LRP1B: variants seen among roughly 807,000 people sequenced by gnomAD.
LRP1B encodes the protein LDL receptor related protein 1B.
In LRP1B, 217 loss-of-function variants were observed where a neutral mutation model predicts 556.6. The ratio of observed to expected loss-of-function variants is 0.39; its 90% CI spans 0.35 to 0.44. The LOEUF (loss-of-function observed/expected upper bound fraction) is 0.44. Ranked by LOEUF, LRP1B falls within the 20% of genes least tolerant of loss-of-function variation. The pLI is 1.00. For synonymous variants in LRP1B, 2,047 were observed against 1,865.8 expected, an observed-to-expected ratio of 1.10 and a Z score of -2.50; for missense variants, 5,053 against 5,620.8, an observed-to-expected ratio of 0.90 and a Z score of 3.23.
At chr2:141,019,165 G>A (rs117447177) in intron 12 of LRP1B, among the ~76,000 whole-genome samples, 2,153 of 152,032 alleles carry the variant, frequency 0.014, 69 homozygotes, top group East Asian at 0.13. Flanking sequence ...TCAGGTAATA[G>A]CGCTGATTAA....
intron 1 of LRP1B, among the ~76,000 whole-genome samples, chr2:141,972,522 A>G (rs1031269155): frequency 1.3e-5 from 2 of 151,430 alleles, no homozygotes; most frequent in Admixed American, 1.3e-4. Flanking sequence ...GTTATTTTTA[A>G]GTTCTGTATT....
intron 66 of LRP1B, among the ~76,000 whole-genome samples, chr2:140,398,536 T>TG (rs61031613): frequency 5.9e-5 from 9 of 151,946 alleles, no homozygotes; most frequent in East Asian, 1.9e-4. Context: ...TTGTTGTTGT[T>TG]TTTGTTTTGA....
intron 11 of LRP1B, among the ~76,000 whole-genome samples, chr2:141,041,837 A>G (rs1236565466): frequency 2.6e-5 from 4 of 152,126 alleles, no homozygotes; most frequent in Non-Finnish European, 4.4e-5. Flanking sequence ...ATGTACAAAT[A>G]TGACTTTGTA....
chr2:140,929,087 A>C (rs1483183444), intron 20 of LRP1B, among the ~76,000 whole-genome samples: 1 of 152,134 alleles, frequency 6.6e-6, no homozygotes, highest in East Asian at 1.9e-4. Context: ...TGTTGTGTGA[A>C]AACGGATTTT....
intron 3 of LRP1B, among the ~76,000 whole-genome samples, chr2:141,470,663 A>G (rs1377452770): frequency 5.9e-5 from 9 of 152,172 alleles, no homozygotes; most frequent in African/African-American, 1.7e-4. Flanking sequence ...ATGCCATTCA[A>G]CTTCAGCTTC....
chr2:141,380,691 G>T (rs988073756), intron 3 of LRP1B, among the ~76,000 whole-genome samples: 1 of 152,178 alleles, frequency 6.6e-6, no homozygotes, highest in Non-Finnish European at 1.5e-5. Flanking sequence ...CAGAGGAAGT[G>T]GGTGATAAAA....
intron 43 of LRP1B, among the ~76,000 whole-genome samples, chr2:140,570,858 T>C (rs948589218): frequency 2.6e-5 from 4 of 151,772 alleles, no homozygotes; most frequent in Non-Finnish European, 5.9e-5. Context: ...TCAAGGATGG[T>C]TCAGTGTATG....
chr2:140,257,065 TAATC>T, intron 86 of LRP1B, among the ~76,000 whole-genome samples: 1 of 152,238 alleles, frequency 6.6e-6, no homozygotes, highest in South Asian at 2.1e-4. Context: ...CAGCAATTAT[TAATC>T]TATTTTTTAT....
chr2:141,146,097 G>A (rs1009588521), intron 7 of LRP1B, among the ~76,000 whole-genome samples: 1 of 151,456 alleles, frequency 6.6e-6, no homozygotes, highest in Non-Finnish European at 1.5e-5. Context: ...GCTAATTTTT[G>A]TATTGTTAGT....
intron 23 of LRP1B, among the ~76,000 whole-genome samples, chr2:140,892,945 T>C (rs182396039): frequency 1.3e-5 from 2 of 152,142 alleles, no homozygotes; most frequent in African/African-American, 2.4e-5. Flanking sequence ...CAAAGAAACA[T>C]AGATTTTTAT....
intron 20 of LRP1B, among the ~76,000 whole-genome samples, chr2:140,945,039 T>C (rs1695502110): frequency 6.6e-6 from 1 of 152,116 alleles, no homozygotes; most frequent in Non-Finnish European, 1.5e-5. Flanking sequence ...CCCAGATAAG[T>C]GACTTCAGTA....
intron 7 of LRP1B, among the ~76,000 whole-genome samples, chr2:141,130,988 C>T (rs776578586): frequency 6.6e-6 from 1 of 152,032 alleles, no homozygotes; most frequent in Non-Finnish European, 1.5e-5. Flanking sequence ...AACACATGGA[C>T]ACAGGGAGGG....
At chr2:141,201,860 T>G (rs889734792) in intron 6 of LRP1B, among the ~76,000 whole-genome samples, 3 of 152,164 alleles carry the variant, frequency 2.0e-5, no homozygotes, top group Non-Finnish European at 2.9e-5. Context: ...TCAGTTTCAT[T>G]CAGTCTGTTA....
At chr2:140,729,470 T>C (rs2105493841) in intron 35 of LRP1B, among the ~76,000 whole-genome samples, 1 of 152,298 alleles carries the variant, frequency 6.6e-6, no homozygotes, top group Admixed American at 6.5e-5. Context: ...TTTACTGTTA[T>C]TGAATCACAG....
At chr2:140,966,973 G>C (rs1696244422) in intron 18 of LRP1B, among the ~76,000 whole-genome samples, 1 of 152,206 alleles carries the variant, frequency 6.6e-6, no homozygotes, top group Middle Eastern at 3.4e-3. Flanking sequence ...AAGTCAGGTA[G>C]AGTGATGCCT....
intron 2 of LRP1B, among the ~76,000 whole-genome samples, chr2:141,653,038 G>T (rs1343547431): frequency 1.3e-5 from 2 of 152,080 alleles, no homozygotes; most frequent in Non-Finnish European, 2.9e-5. Context: ...ATAAAACTTG[G>T]AAGGCTTTAA....
chr2:140,383,259 T>C (rs551945636), intron 67 of LRP1B, among the ~76,000 whole-genome samples: 2 of 152,022 alleles, frequency 1.3e-5, no homozygotes, highest in South Asian at 4.2e-4. Context: ...GGACAACATA[T>C]ACCACAGCCC....
chr2:142,070,801 T>A (rs1337520237), intron 1 of LRP1B, among the ~76,000 whole-genome samples: 1 of 151,928 alleles, frequency 6.6e-6, no homozygotes, highest in African/African-American at 2.4e-5. Flanking sequence ...TCATATTGCA[T>A]GTAGTTTGGA....
intron 3 of LRP1B, among the ~76,000 whole-genome samples, chr2:141,292,713 C>A (rs1686024155): frequency 6.6e-6 from 1 of 152,086 alleles, no homozygotes; most frequent in Admixed American, 6.5e-5. Flanking sequence ...AGTAGTGGGA[C>A]AACCTACTAA....
Sources: gnomAD v4.1 joint callset for allele counts (sites outside exome capture counted in the v4.1 genomes callset) on GRCh38, gnomAD v4.1.1 for gene constraint, MANE v1.5 for transcripts, NCBI Gene and HGNC (gene_info 2026-07-23, HGNC 2026-07-21) for gene names.